The following PTPRT variants were observed in gnomAD, a reference collection of about 807,000 sequenced individuals.
PTPRT encodes receptor-type tyrosine-protein phosphatase T.
A neutral mutation model predicts 176.8 loss-of-function variants in PTPRT; 56 were observed. The ratio of observed to expected loss-of-function variants is 0.32; its 90% CI spans 0.26 to 0.40. The LOEUF is 0.40. PTPRT is among the 10% of genes least tolerant of loss of function. The pLI is 1.00. For synonymous variants in PTPRT, 783 were observed against 739.0 expected, an observed-to-expected ratio of 1.06 and a Z score of -0.96; for missense variants, 1,540 against 1,908.2, an observed-to-expected ratio of 0.81 and a Z score of 3.60.
At chr20:43,036,239 GGT>G (rs1986374801) in intron 1 of PTPRT, among the ~76,000 whole-genome samples, 1 of 152,114 alleles carries the variant, frequency 6.6e-6, no homozygotes, top group African/African-American at 2.4e-5. Context: ...TGTGTATCCT[GGT>G]GTCTCACTGT....
At chr20:42,356,354 T>G (rs1170383575) in intron 9 of PTPRT, among the ~76,000 whole-genome samples, 2 of 152,084 alleles carry the variant, frequency 1.3e-5, no homozygotes, top group Non-Finnish European at 2.9e-5. Context: ...CTCTTTTAGT[T>G]GCTGACAGTA....
intron 7 of PTPRT, among the ~76,000 whole-genome samples, chr20:42,654,388 G>T (rs976192952): frequency 1.3e-5 from 2 of 152,126 alleles, no homozygotes; most frequent in African/African-American, 2.4e-5. Flanking sequence ...GCAACTTAGG[G>T]AGGACCTCTC....
the PTPRT span, among the ~76,000 whole-genome samples, chr20:42,067,151 G>A: frequency 3.0e-4 from 46 of 152,228 alleles, no homozygotes; most frequent in Middle Eastern, 6.8e-3. Context: ...TCATGGAGGG[G>A]CCAGAAAAGG....
intron 13 of PTPRT, among the ~76,000 whole-genome samples, chr20:42,270,982 C>A (rs1487397203): frequency 6.6e-6 from 1 of 152,190 alleles, no homozygotes. Flanking sequence ...TTCAAGCCAA[C>A]CTTGTGTTTC....
At chr20:42,517,235 T>C (rs1432179816) in intron 7 of PTPRT, among the ~76,000 whole-genome samples, 1 of 151,884 alleles carries the variant, frequency 6.6e-6, no homozygotes, top group Non-Finnish European at 1.5e-5. Context: ...CTGCTCAGAT[T>C]TTTTTTTCAC....
chr20:42,342,702 A>G (rs1358537594), intron 11 of PTPRT, among the ~76,000 whole-genome samples: 2 of 152,154 alleles, frequency 1.3e-5, no homozygotes, highest in Non-Finnish European at 2.9e-5. Context: ...AATGATTCCA[A>G]TTTTGCTCAC....
chr20:42,765,651 G>T (rs1330777123), intron 5 of PTPRT, among the ~76,000 whole-genome samples: 1 of 151,598 alleles, frequency 6.6e-6, no homozygotes, highest in Non-Finnish European at 1.5e-5. Context: ...GTATTTCATG[G>T]AGTTATAGGA....
At chr20:42,888,703 G>A (rs2079143111) in intron 1 of PTPRT, among the ~76,000 whole-genome samples, 1 of 152,190 alleles carries the variant, frequency 6.6e-6, no homozygotes, top group Admixed American at 6.5e-5. Context: ...AACTTCCAAG[G>A]TGGTTGGGCC....
At chr20:42,980,682 C>G (rs143117288) in intron 1 of PTPRT, among the ~76,000 whole-genome samples, 2 of 152,266 alleles carry the variant, frequency 1.3e-5, no homozygotes, top group East Asian at 3.9e-4. Context: ...CAGCTCTGAC[C>G]AAGAAAGCCT....
chr20:42,765,333 C>T (rs6072861), intron 5 of PTPRT, among the ~76,000 whole-genome samples: 29,364 of 152,022 alleles, frequency 0.19, 3,088 homozygotes, highest in African/African-American at 0.27. Flanking sequence ...TTGATAAAGA[C>T]AGGAGGACAC....
chr20:42,173,802 G>A (rs1342724224), intron 16 of PTPRT, among the ~76,000 whole-genome samples: 1 of 152,144 alleles, frequency 6.6e-6, no homozygotes, highest in Non-Finnish European at 1.5e-5. Context: ...TTAACTCACT[G>A]GAAATATAAG....
intron 1 of PTPRT, among the ~76,000 whole-genome samples, chr20:43,059,956 G>A (rs903720630): frequency 1.3e-5 from 2 of 151,750 alleles, no homozygotes; most frequent in Non-Finnish European, 2.9e-5. Flanking sequence ...TCCAGCCTGG[G>A]AGTGCAATGT....
intron 1 of PTPRT, among the ~76,000 whole-genome samples, chr20:42,976,670 G>A (rs1376848090): frequency 1.3e-5 from 2 of 152,092 alleles, no homozygotes; most frequent in African/African-American, 4.8e-5. Flanking sequence ...GCCTCCCCAA[G>A]TGCTGGGATT....
intron 1 of PTPRT, among the ~76,000 whole-genome samples, chr20:43,074,452 T>G (rs1289814949): frequency 5.9e-5 from 9 of 152,226 alleles, no homozygotes. Flanking sequence ...CATATGTCCA[T>G]CATTTAATTC....
intron 6 of PTPRT, among the ~76,000 whole-genome samples, chr20:42,743,932 T>C (rs2145351456): frequency 6.6e-6 from 1 of 152,368 alleles, no homozygotes; most frequent in South Asian, 2.1e-4. Flanking sequence ...GTGCTTGTTT[T>C]TGAACTGCAA....
intron 9 of PTPRT, among the ~76,000 whole-genome samples, chr20:42,356,947 T>C (rs2058367134): frequency 6.6e-6 from 1 of 152,138 alleles, no homozygotes. Context: ...TGCCTCCTTG[T>C]TGCCTCATTC....
intron 9 of PTPRT, among the ~76,000 whole-genome samples, chr20:42,389,136 G>A (rs2058774414): frequency 7.3e-6 from 1 of 136,310 alleles, no homozygotes; most frequent in Non-Finnish European, 1.6e-5. Flanking sequence ...TGGGGTGAGG[G>A]GAGGGGGGAG....
At chr20:42,556,306 C>T (rs1476257510) in intron 7 of PTPRT, among the ~76,000 whole-genome samples, 2 of 152,132 alleles carry the variant, frequency 1.3e-5, no homozygotes, top group African/African-American at 4.8e-5. Flanking sequence ...TCTTCCATCT[C>T]CTTCTCATCT....
intron 9 of PTPRT, among the ~76,000 whole-genome samples, chr20:42,399,013 G>C (rs2058878429): frequency 6.6e-6 from 1 of 152,252 alleles, no homozygotes; most frequent in African/African-American, 2.4e-5. Flanking sequence ...ACCAGACTGA[G>C]TTTCTTCACA....
Sources: gnomAD v4.1 joint callset for allele counts (sites outside exome capture counted in the v4.1 genomes callset) on GRCh38, gnomAD v4.1.1 for gene constraint, MANE v1.5 for transcripts, NCBI Gene and HGNC (gene_info 2026-07-23, HGNC 2026-07-21) for gene names.